The following ASIC2 variants were observed in gnomAD, a reference collection of about 807,000 sequenced individuals.
ASIC2 encodes acid-sensing ion channel 2.
ASIC2 carries 25 observed loss-of-function variants against 57.3 expected under a neutral mutation model. The observed-to-expected ratio is 0.44, with a 90% confidence interval of 0.32 to 0.61. The LOEUF (loss-of-function observed/expected upper bound fraction) is 0.61, where lower values mean the gene tolerates loss of function less well. Among genes scored for constraint, ASIC2 ranks in the 20% least tolerant of loss-of-function variants. ASIC2 has a pLI of 0.06. For missense variants in ASIC2, 641 were observed against 738.1 expected, an observed-to-expected ratio of 0.87 and a Z score of 1.52; for synonymous variants, 319 against 307.5, an observed-to-expected ratio of 1.04 and a Z score of -0.39.
chr17:34,130,950 G>A (rs1213249020), intron 1 of ASIC2, among the ~76,000 whole-genome samples: 1 of 152,208 alleles, frequency 6.6e-6, no homozygotes, highest in African/African-American at 2.4e-5. Context: ...AATGAGTACA[G>A]CGAGTAGGGA....
chr17:33,575,762 C>T (rs201161800), intron 1 of ASIC2, among the ~76,000 whole-genome samples: 2 of 152,112 alleles, frequency 1.3e-5, no homozygotes, highest in Non-Finnish European at 2.9e-5. Flanking sequence ...GCTCTGGACT[C>T]GGTAGGTTTC....
At chr17:33,937,067 C>T (rs1435455667) in intron 1 of ASIC2, among the ~76,000 whole-genome samples, 7 of 152,222 alleles carry the variant, frequency 4.6e-5, no homozygotes, top group Non-Finnish European at 1.5e-5. Flanking sequence ...ACCCACTATG[C>T]CAGCCTAGCA....
intron 1 of ASIC2, among the ~76,000 whole-genome samples, chr17:33,271,710 C>T (rs1004168692): frequency 2.0e-5 from 3 of 152,250 alleles, no homozygotes; most frequent in African/African-American, 7.2e-5. Context: ...CAGCATCTCC[C>T]ATCTCAAGTA....
In ASIC2 at chr17:33,097,016, A is replaced by T. The variant is rs185310876; in HGVS notation, c.860-8026T>A. On this transcript the variant is annotated intron_variant, in intron 2 of 9. Coordinates refer to ENST00000225823, the MANE Select transcript of ASIC2 (RefSeq NM_183377.2). The stretch of plus-strand genomic sequence containing the variant: ...GCCCCCATTTTACAGACAGGGAAAC[A>T]GGCTCGGAGAGGTCAGCTGGCCCTA... Among the ~76,000 whole-genome samples, 5 of 152,340 alleles carry T rather than the reference A, an allele frequency of 3.3e-5. No individual in the cohort carries two copies. The East Asian group carries it at 9.7e-4, about 29-fold the overall frequency.
chr17:33,579,210 C>G (rs983082917), intron 1 of ASIC2, among the ~76,000 whole-genome samples: 1 of 148,570 alleles, frequency 6.7e-6, no homozygotes, highest in Non-Finnish European at 1.5e-5. Context: ...CGCTTGAACC[C>G]GGGAGGCAGA....
chr17:33,417,123 G>A (rs920045923), intron 1 of ASIC2, among the ~76,000 whole-genome samples: 17 of 152,326 alleles, frequency 1.1e-4, no homozygotes, highest in African/African-American at 3.1e-4. Context: ...GCTGCAGACA[G>A]GCCTCGAACA....
chr17:33,241,328 C>T (rs1271724626), intron 1 of ASIC2, among the ~76,000 whole-genome samples: 1 of 152,210 alleles, frequency 6.6e-6, no homozygotes, highest in Non-Finnish European at 1.5e-5. Flanking sequence ...GAAGGAGATG[C>T]TACCTCTATT....
At chr17:34,099,412 AAAG>A in intron 1 of ASIC2, among the ~76,000 whole-genome samples, 1 of 143,862 alleles carries the variant, frequency 7.0e-6, no homozygotes, top group African/African-American at 2.7e-5. Context: ...GGAAGGAAGG[AAAG>A]AAAGAATGAA....
intron 1 of ASIC2, among the ~76,000 whole-genome samples, chr17:33,988,413 T>C (rs545490369): frequency 6.6e-6 from 1 of 152,324 alleles, no homozygotes; most frequent in Admixed American, 6.5e-5. Context: ...CTCTCTCTTT[T>C]TGCCTGCTGC....
At chr17:33,201,997 G>A (rs1206749331) in intron 1 of ASIC2, among the ~76,000 whole-genome samples, 6 of 141,642 alleles carry the variant, frequency 4.2e-5, no homozygotes, top group African/African-American at 1.6e-4. Context: ...ATGCCACTTG[G>A]TGACACGGTG....
At chr17:33,205,485 T>C (rs952911546) in intron 1 of ASIC2, among the ~76,000 whole-genome samples, 4 of 152,246 alleles carry the variant, frequency 2.6e-5, no homozygotes, top group African/African-American at 9.6e-5. Context: ...TCAAAGGTTC[T>C]AATAAGCACT....
intron 1 of ASIC2, among the ~76,000 whole-genome samples, chr17:34,060,635 G>C (rs549736800): frequency 6.6e-6 from 1 of 152,286 alleles, no homozygotes; most frequent in African/African-American, 2.4e-5. Flanking sequence ...CAAGGGAATA[G>C]ATAGCATAAA....
chr17:33,974,328 C>T (rs914420426), intron 1 of ASIC2, among the ~76,000 whole-genome samples: 3 of 152,192 alleles, frequency 2.0e-5, no homozygotes, highest in Non-Finnish European at 4.4e-5. Flanking sequence ...TCTGAGCTCA[C>T]TTCTCTTTGG....
rs562737364 is a variant in ASIC2 at position 33,334,492 on chromosome 17, C to T, written c.556-222425G>A. On this transcript the variant is annotated intron_variant, in intron 1 of 9. Coordinates refer to the ASIC2 transcript ENST00000359872. ...GAAAACTTTGCTGTTGAACTGGCTT[C>T]CAGCATGGACCAACTGTCCTTTTGT... Among the ~76,000 whole-genome samples the T allele has an allele frequency of 2.0e-5, 3 of 152,306 alleles. No homozygotes were observed. In the South Asian group the frequency reaches 6.2e-4, roughly 32 times the overall value.
At chr17:33,082,642 T>C (rs2092117435) in intron 3 of ASIC2, among the ~76,000 whole-genome samples, 1 of 151,952 alleles carries the variant, frequency 6.6e-6, no homozygotes, top group Non-Finnish European at 1.5e-5. Context: ...GAGGTTGCAG[T>C]GAGCAGAGAT....
At chr17:33,641,075 G>C (rs981646998) in intron 1 of ASIC2, among the ~76,000 whole-genome samples, 1 of 152,170 alleles carries the variant, frequency 6.6e-6, no homozygotes, top group African/African-American at 2.4e-5. Context: ...CCTGGTTAGG[G>C]CTGGGCTGCC....
In ASIC2 at chr17:34,095,680, G is replaced by GAT. The variant is rs1227298001; in HGVS notation, c.555+60296_555+60297dup. ...AATTTTATATATATATAGAGAGAGAGATATATATAATTTTATATAGAGATA... is the reference window on the plus strand; with the variant it reads ...AATTTTATATATATATAGAGAGAGAGATATATATATAATTTTATATAGAGATA... On this transcript the variant is annotated intron_variant, in intron 1 of 9. Transcript: ENST00000359872. Among the ~76,000 whole-genome samples the GAT allele has an allele frequency of 8.6e-4, 107 of 124,500 alleles. 1 individual carries two copies. Among genetic ancestry groups the GAT allele is most frequent in the African/African-American group, 2.9e-3 (105 of 35,694 alleles). The allele number at this position is 124,500 out of a possible 152,430, so 81.7% of individuals were successfully genotyped here.
At chr17:34,056,337 C>T (rs1434963043) in intron 1 of ASIC2, among the ~76,000 whole-genome samples, 1 of 152,186 alleles carries the variant, frequency 6.6e-6, no homozygotes, top group African/African-American at 2.4e-5. Flanking sequence ...CTGCACTGCT[C>T]AGGTCCTGCC....
At chr17:33,173,117 C>T (rs1905591342) in intron 1 of ASIC2, among the ~76,000 whole-genome samples, 1 of 152,198 alleles carries the variant, frequency 6.6e-6, no homozygotes, top group Admixed American at 6.5e-5. Context: ...CCATATATTT[C>T]ATTTTCCTTC....
Sources: gnomAD v4.1 joint callset for allele counts (sites outside exome capture counted in the v4.1 genomes callset) on GRCh38, gnomAD v4.1.1 for gene constraint, MANE v1.5 for transcripts, NCBI Gene and HGNC (gene_info 2026-07-23, HGNC 2026-07-21) for gene names.